GK: variants seen among roughly 807,000 people sequenced by gnomAD.
GK encodes the protein ATP:glycerol 3-phosphotransferase.
In GK, 9 loss-of-function variants were observed where a neutral mutation model predicts 56.4. The ratio of observed to expected loss-of-function variants is 0.16; its 90% confidence interval spans 0.10 to 0.28. The LOEUF is 0.28. Ranked by LOEUF, GK falls within the 10% of genes least tolerant of loss-of-function variation. GK has a pLI of 1.00. For missense variants in GK, 161 were observed against 431.4 expected, an observed-to-expected ratio of 0.37 and a Z score of 5.55; for synonymous variants, 104 against 144.1, an observed-to-expected ratio of 0.72 and a Z score of 1.99.
chrX:30,687,696 T>A (rs41309689), intron 4 of GK: 19,309 of 328,143 alleles, frequency 0.059, 516 homozygotes, highest in Non-Finnish European at 0.081. Flanking sequence ...TGCTGCCAGA[T>A]CTGGATCTGT....
chrX:30,684,917 G>A (rs1934508090), intron 4 of GK, among the ~76,000 whole-genome samples: 1 of 110,719 alleles, frequency 9.0e-6, no homozygotes, highest in Non-Finnish European at 1.9e-5. Context: ...ATTGGTTATC[G>A]TTTTTACATT....
At chrX:30,709,635 A>G (rs990409308) in intron 13 of GK, among the ~76,000 whole-genome samples, 1 of 111,451 alleles carries the variant, frequency 9.0e-6, no homozygotes, top group Admixed American at 9.5e-5. Flanking sequence ...TACTCAATCA[A>G]TAGGATGATT....
At chrX:30,667,589 C>A (rs1479991392) in intron 2 of GK, among the ~76,000 whole-genome samples, 3 of 112,125 alleles carry the variant, frequency 2.7e-5, no homozygotes, top group African/African-American at 9.7e-5. Context: ...CCTTTTGCTT[C>A]CCAAATATAT....
chrX:30,724,884 C>CT (rs1316640340), intron 19 of GK, among the ~76,000 whole-genome samples: 87 of 102,908 alleles, frequency 8.5e-4, no homozygotes, highest in East Asian at 2.7e-3. Context: ...GAAGCATATA[C>CT]TTTTTTTTTT....
chrX:30,702,110 T>C (rs1935705954), intron 11 of GK, among the ~76,000 whole-genome samples: 1 of 110,473 alleles, frequency 9.1e-6, no homozygotes, highest in Non-Finnish European at 1.9e-5. Context: ...TGGCGCGATC[T>C]CGGCTCACTG....
At chrX:30,699,247 T>TTA (rs752295721) in intron 9 of GK, among the ~76,000 whole-genome samples, 54 of 99,146 alleles carry the variant, frequency 5.4e-4, no homozygotes, top group East Asian at 1.2e-3. Flanking sequence ...GTATAACATG[T>TTA]TATATATACA....
intron 1 of GK, among the ~76,000 whole-genome samples, chrX:30,664,874 T>G (rs916315319): frequency 9.2e-6 from 1 of 109,196 alleles, no homozygotes; most frequent in South Asian, 4.0e-4. Flanking sequence ...TGGCTAATTT[T>G]TTGTGTTTTT....
intron 6 of GK, among the ~76,000 whole-genome samples, 159 bp downstream of exon 6, chrX:30,694,696 G>A (rs976545065): frequency 4.5e-5 from 5 of 111,487 alleles, no homozygotes; most frequent in Non-Finnish European, 9.4e-5. Context: ...GCTTCCATTC[G>A]AGAAGCATTT....
In GK at chrX:30,719,531, A is replaced by G. The variant is rs1274249936; in HGVS notation, c.1151+16A>G. The G allele has an allele frequency of 3.1e-6, 3 of 969,411 alleles. No individual in the cohort carries two copies. Among genetic ancestry groups the G allele is most frequent in the Non-Finnish European group, 4.4e-6 (3 of 676,877 alleles). The allele number at this position is 969,411 out of a possible 1,213,427, so 79.9% of individuals were successfully genotyped here. ...GCGCAAGAGGGTAAGTATTGAAAAT[A>G]TGGAGTGCTTTTGGGGATCTTGATT... On this transcript the variant is annotated intron_variant, in intron 15 of 20. Transcript: ENST00000427190.
At chrX:30,708,306 C>T (rs1285152656) in intron 13 of GK, among the ~76,000 whole-genome samples, 172 bp downstream of exon 13, 1 of 111,212 alleles carries the variant, frequency 9.0e-6, no homozygotes, top group Non-Finnish European at 1.9e-5. Flanking sequence ...GGTGTCAGGA[C>T]TCACAGGAGA....
At chrX:30,691,468 C>CTTTTT (rs144523573) in intron 5 of GK, among the ~76,000 whole-genome samples, 2 of 72,660 alleles carry the variant, frequency 2.8e-5, no homozygotes, top group Admixed American at 1.6e-4. Context: ...CCAAGGGGTG[C>CTTTTT]TTTTTTTTTT....
In GK at chrX:30,719,360, C is replaced by T. The variant is rs760898428; in HGVS notation, c.1055-59C>T. On this transcript the variant is annotated intron_variant, in intron 14 of 20. Coordinates refer to ENST00000427190, the MANE Select transcript of GK (RefSeq NM_001205019.2). ...TTTTCTAATTTTTAAAATAGGTATG[C>T]TTATATAATAATACACAATATTTGT... 3.7e-5 allele frequency: 28 copies of T among 749,227 alleles called. No individual in the cohort carries two copies. In the African/African-American group the frequency reaches 5.6e-4, roughly 15 times the overall value. 61.7% of individuals were successfully genotyped at this position (749,227 alleles called of 1,213,427 possible).
chrX:30,714,926 T>C lies in GK; in HGVS notation c.976-3612T>C, dbSNP rs562359826. On this transcript the variant is annotated intron_variant, in intron 13 of 20. Transcript: ENST00000427190. ...GAAATCTGTTACATTTCAAAAATAA[T>C]GTTGCTCCAATTCAACTCTTCCCTT... 1.6e-4 allele frequency among the ~76,000 whole-genome samples: 18 copies of C among 112,513 alleles called. 1 individual carries two copies. The South Asian group carries it at 6.6e-3, about 41-fold the overall frequency.
rs182020877 is a variant in GK at position 30,667,118 on chromosome X, C to T, written c.153-894C>T. Among the ~76,000 whole-genome samples, 795 of 110,485 alleles carry T rather than the reference C, an allele frequency of 7.2e-3. 6 individuals carry two copies. Among genetic ancestry groups the T allele is most frequent in the African/African-American group, 0.025 (746 of 30,392 alleles). ...GCAGTGAGCCGAGATTGCGCCACTG[C>T]ACTCCAGCCTGGACGACAGAGCGAG... On this transcript the variant is annotated intron_variant, in intron 2 of 20. Transcript: ENST00000427190.
At chrX:30,706,987 T>C (rs1369551079) in intron 11 of GK, among the ~76,000 whole-genome samples, 1 of 112,157 alleles carries the variant, frequency 8.9e-6, no homozygotes, top group Admixed American at 9.5e-5. Context: ...AACACAGCCC[T>C]GGCCTAGGAC....
At chrX:30,683,307 C>T (rs908223788) in intron 4 of GK, among the ~76,000 whole-genome samples, 2 of 111,167 alleles carry the variant, frequency 1.8e-5, no homozygotes, top group Admixed American at 9.7e-5. Flanking sequence ...CCTCCCATCT[C>T]GGCCTCCCAA....
At chrX:30,704,212 A>T (rs1939635583) in intron 11 of GK, among the ~76,000 whole-genome samples, 1 of 102,255 alleles carries the variant, frequency 9.8e-6, no homozygotes, top group Non-Finnish European at 1.9e-5. Context: ...GCATACTGCA[A>T]CCTTGACCTC....
intron 1 of GK, among the ~76,000 whole-genome samples, chrX:30,656,152 C>T (rs1365713413): frequency 9.0e-6 from 1 of 111,570 alleles, no homozygotes; most frequent in Non-Finnish European, 1.9e-5. Context: ...GATTGCTAAA[C>T]CACTCCCTGC....
intron 19 of GK, chrX:30,724,677 C>T (rs763104579): frequency 2.4e-5 from 7 of 295,865 alleles, no homozygotes; most frequent in Middle Eastern, 5.3e-4. Flanking sequence ...ATAGTAAATT[C>T]GAACTCTTAT....
Sources: gnomAD v4.1 joint callset for allele counts (sites outside exome capture counted in the v4.1 genomes callset) on GRCh38, gnomAD v4.1.1 for gene constraint, MANE v1.5 for transcripts, NCBI Gene and HGNC (gene_info 2026-07-23, HGNC 2026-07-21) for gene names.